TNIK: variants seen among roughly 807,000 people sequenced by gnomAD.
The protein encoded by TNIK is TRAF2 and NCK interacting kinase.
In TNIK, 49 loss-of-function variants were observed where a neutral mutation model predicts 191.3. The ratio of observed to expected loss-of-function variants is 0.26; its 90% CI spans 0.20 to 0.32. The LOEUF is 0.32. Among genes scored for constraint, TNIK ranks in the 10% least tolerant of loss-of-function variants. The pLI is 1.00. For missense variants in TNIK, 1,155 were observed against 1,702.3 expected (o/e 0.68, Z 5.66); for synonymous variants, 594 against 600.9 (o/e 0.99, Z 0.17).
At chr3:171,414,537 C>A (rs1260560539) in intron 1 of TNIK, among the ~76,000 whole-genome samples, 1 of 152,200 alleles carries the variant, frequency 6.6e-6, no homozygotes, top group Non-Finnish European at 1.5e-5. Context: ...ATGCTTCCAG[C>A]AGCCCCAATC....
intron 2 of TNIK, among the ~76,000 whole-genome samples, chr3:171,277,501 A>T (rs940848188): frequency 8.0e-5 from 12 of 149,202 alleles, no homozygotes; most frequent in South Asian, 2.1e-4. Context: ...TATTTTGATT[A>T]AAAAAAAAAC....
intron 10 of TNIK, 147 bp downstream of exon 10, chr3:171,166,948 A>T: frequency 1.0e-6 from 1 of 993,840 alleles, no homozygotes; most frequent in African/African-American, 1.6e-5. Context: ...ACTGATGCCC[A>T]GAGGCTGTGG....
chr3:171,115,383 A>G (rs1279693636), intron 18 of TNIK, among the ~76,000 whole-genome samples: 1 of 152,256 alleles, frequency 6.6e-6, no homozygotes, highest in Non-Finnish European at 1.5e-5. Context: ...CACAGGGCAT[A>G]CAGTCAAGTT....
intron 2 of TNIK, among the ~76,000 whole-genome samples, chr3:171,240,728 T>G (rs1408976294): frequency 6.6e-6 from 1 of 152,164 alleles, no homozygotes; most frequent in Non-Finnish European, 1.5e-5. Flanking sequence ...TCCAATAGTC[T>G]TTTTCTGGCT....
At chr3:171,142,516 G>C (rs956068453) in intron 12 of TNIK, among the ~76,000 whole-genome samples, 15 of 152,192 alleles carry the variant, frequency 9.9e-5, no homozygotes, top group African/African-American at 3.6e-4. Flanking sequence ...GGCAGGATTT[G>C]GTGACGACAG....
intron 1 of TNIK, among the ~76,000 whole-genome samples, chr3:171,444,367 G>A (rs539416890): frequency 5.0e-4 from 76 of 152,100 alleles, no homozygotes; most frequent in African/African-American, 1.1e-3. Flanking sequence ...TAAATAACTC[G>A]AAGATTTTAG....
At chr3:171,347,360 G>T in intron 2 of TNIK, 1 of 762,848 alleles carries the variant, frequency 1.3e-6, no homozygotes, top group Non-Finnish European at 2.1e-6. Context: ...CTAAGTGCCT[G>T]CAGAGCTGGC....
At chr3:171,074,572 GAAAT>G (rs1361330963) in intron 28 of TNIK, among the ~76,000 whole-genome samples, 3 of 151,646 alleles carry the variant, frequency 2.0e-5, no homozygotes, top group Non-Finnish European at 2.9e-5. Context: ...GGTGAAAGAA[GAAAT>G]AAATAAGTTT....
chr3:171,166,519 G>GC (rs1734639616), intron 10 of TNIK, among the ~76,000 whole-genome samples: 1 of 151,842 alleles, frequency 6.6e-6, no homozygotes, highest in Admixed American at 6.6e-5. Context: ...ACAAAGATGT[G>GC]CTTTTGCATA....
intron 3 of TNIK, among the ~76,000 whole-genome samples, chr3:171,221,790 C>A (rs1458337914): frequency 6.6e-6 from 1 of 152,074 alleles, no homozygotes; most frequent in East Asian, 1.9e-4. Context: ...AGGCTAACAA[C>A]TCTGTAATTG....
At chr3:171,316,157 G>C (rs1045225925) in intron 2 of TNIK, among the ~76,000 whole-genome samples, 1 of 152,070 alleles carries the variant, frequency 6.6e-6, no homozygotes, top group African/African-American at 2.4e-5. Context: ...AAGACTGTAA[G>C]CTCCCAGAGC....
intron 1 of TNIK, among the ~76,000 whole-genome samples, chr3:171,384,340 A>G (rs2108528004): frequency 6.6e-6 from 1 of 152,358 alleles, no homozygotes; most frequent in South Asian, 2.1e-4. Context: ...TTAATCTCTT[A>G]GAGCCAAAGT....
At chr3:171,119,057 G>A (rs982380457) in intron 18 of TNIK, among the ~76,000 whole-genome samples, 2 of 152,062 alleles carry the variant, frequency 1.3e-5, no homozygotes, top group African/African-American at 4.8e-5. Context: ...CTGACAAAGG[G>A]CTAATATCCA....
At chr3:171,226,828 C>T (rs9290404) in intron 3 of TNIK, among the ~76,000 whole-genome samples, 40,336 of 152,004 alleles carry the variant, frequency 0.27, 7,159 homozygotes, top group African/African-American at 0.5. Context: ...ATTAGTGAAA[C>T]GTGTATTATG....
At position 171,408,367 on chromosome 3, in the gene TNIK, G is replaced by A. The variant is rs181138031; in HGVS notation, c.58-38682C>T. On this transcript the variant is annotated intron_variant, in intron 1 of 32. Transcript: ENST00000436636. Reference sequence around the variant, plus strand: ...AAGCTTTTAGGAAATGAAAGATACCGGTGGCTCATTTAGCCATGAAGGGAA... The same window carrying A: ...AAGCTTTTAGGAAATGAAAGATACCAGTGGCTCATTTAGCCATGAAGGGAA... Among the ~76,000 whole-genome samples the A allele has an allele frequency of 2.3e-3, 351 of 152,220 alleles. 1 individual carries two copies. The highest frequency in any genetic ancestry group is 3.4e-3 in the Middle Eastern group (1 of 294).
At chr3:171,283,060 C>G (rs539527302) in intron 2 of TNIK, among the ~76,000 whole-genome samples, 7 of 152,000 alleles carry the variant, frequency 4.6e-5, no homozygotes, top group South Asian at 2.1e-4. Context: ...GAAAACGTGA[C>G]CTTTATCAAG....
intron 12 of TNIK, among the ~76,000 whole-genome samples, chr3:171,142,750 A>G (rs148739122): frequency 6.6e-6 from 1 of 152,254 alleles, no homozygotes; most frequent in African/African-American, 2.4e-5. Context: ...AGACATTTCC[A>G]ATACTCAACC....
chr3:171,431,899 T>C (rs1009957801), intron 1 of TNIK, among the ~76,000 whole-genome samples: 1 of 152,252 alleles, frequency 6.6e-6, no homozygotes, highest in African/African-American at 2.4e-5. Context: ...TTACCTCTTT[T>C]TGAGAATGCA....
chr3:171,409,842 T>A (rs1055818307), intron 1 of TNIK, among the ~76,000 whole-genome samples: 6 of 151,002 alleles, frequency 4.0e-5, no homozygotes, highest in Admixed American at 6.6e-5. Flanking sequence ...GTGCAAGCAG[T>A]ATATTATGGG....
Sources: allele counts gnomAD v4.1 joint callset (sites outside exome capture counted in the v4.1 genomes callset), GRCh38; gene constraint gnomAD v4.1.1; transcripts MANE v1.5; gene names NCBI Gene and HGNC (gene_info 2026-07-23, HGNC 2026-07-21).